RASEF: variants seen among roughly 807,000 people sequenced by gnomAD.
RASEF encodes the protein ras and EF-hand domain-containing protein.
A neutral mutation model predicts 90.1 loss-of-function variants in RASEF; 68 were observed. The ratio of observed to expected loss-of-function variants is 0.75; its 90% CI spans 0.62 to 0.92. The LOEUF (loss-of-function observed/expected upper bound fraction) is 0.92. Among genes scored for constraint, RASEF ranks in the 40% least tolerant of loss-of-function variants. The pLI, the probability that RASEF is intolerant of heterozygous loss-of-function variation, is 0.00. For missense variants in RASEF, 949 were observed against 937.2 expected (o/e 1.01, Z -0.16); for synonymous variants, 331 against 345.2 (o/e 0.96, Z 0.46).
chr9:83,159,961 CTT>C, the RASEF span, among the ~76,000 whole-genome samples: 1 of 152,214 alleles, frequency 6.6e-6, no homozygotes, highest in Middle Eastern at 3.2e-3. Flanking sequence ...GCTCTCTTCT[CTT>C]GTTTGCTGCC....
chr9:83,058,377 T>C (rs1304058351), intron 1 of RASEF, among the ~76,000 whole-genome samples: 1 of 150,640 alleles, frequency 6.6e-6, no homozygotes, highest in East Asian at 1.9e-4. Flanking sequence ...AGAGACGGGG[T>C]TTCACCGTGT....
the RASEF span, among the ~76,000 whole-genome samples, chr9:83,118,259 G>C: frequency 6.6e-6 from 1 of 151,774 alleles, no homozygotes; most frequent in African/African-American, 2.4e-5. Flanking sequence ...GTCCTTGAAG[G>C]CTGAAAGTTT....
rs1829153198 is a variant in RASEF at position 83,007,376 on chromosome 9, T to C, written c.1028+61A>G. 3 of 1,344,576 alleles carry C rather than the reference T, an allele frequency of 2.2e-6. No homozygotes were observed. In the South Asian group the frequency reaches 3.5e-5, roughly 16 times the overall value. 83.3% of individuals were successfully genotyped at this position (1,344,576 alleles called of 1,614,324 possible). On this transcript the variant is annotated intron_variant, in intron 7 of 16. Coordinates refer to ENST00000376447, the MANE Select transcript of RASEF (RefSeq NM_152573.4). ...CAACTCACGTTCTATGTGTTATGTC[T>C]TTTATTAACTAAAAAACAAGTGAAA...
the RASEF span, among the ~76,000 whole-genome samples, chr9:83,199,224 TAAAAAAAA>T: frequency 0.22 from 26,129 of 118,182 alleles, 3,369 homozygotes; most frequent in East Asian, 0.46. Context: ...AGCCCTAATT[TAAAAAAAA>T]AAAAAAAAAA....
the RASEF span, among the ~76,000 whole-genome samples, chr9:83,202,687 G>A: frequency 2.0e-5 from 3 of 152,026 alleles, no homozygotes; most frequent in Non-Finnish European, 4.4e-5. Context: ...TAGTAGAGAT[G>A]GGGTCTTGCC....
the RASEF span, among the ~76,000 whole-genome samples, chr9:83,093,822 C>T: frequency 1.3e-5 from 2 of 152,192 alleles, no homozygotes; most frequent in Non-Finnish European, 2.9e-5. Context: ...GAGGAGGCGC[C>T]GAGAGCGAGC....
At position 83,022,423 on chromosome 9, in the gene RASEF, G is replaced by A; in HGVS notation, c.582C>T (p.Ala194=). Residue 194 remains alanine, a synonymous_variant, in exon 3 of 17, where the codon GCC becomes GCT. Transcript: ENST00000376447. ...MENLAIAVKR[A]QDKAAMQLSE... Reference sequence around the variant, plus strand: ...TCAACTGCATAGCTGCCTTGTCCTGGGCTCTGAAATTCAAAAGGATGCACA... The same window carrying A: ...TCAACTGCATAGCTGCCTTGTCCTGAGCTCTGAAATTCAAAAGGATGCACA... 6.2e-7 allele frequency: 1 copy of A among 1,612,846 alleles called. No homozygotes were observed. The highest frequency in any genetic ancestry group is 8.5e-7 in the Non-Finnish European group (1 of 1,179,010).
the RASEF span, among the ~76,000 whole-genome samples, chr9:83,136,922 G>T: frequency 6.6e-6 from 1 of 152,064 alleles, no homozygotes; most frequent in East Asian, 1.9e-4. Flanking sequence ...TTTTGAAGCT[G>T]TCAATCATCC....
the RASEF span, among the ~76,000 whole-genome samples, chr9:83,137,676 T>C: frequency 6.6e-6 from 1 of 151,898 alleles, no homozygotes; most frequent in African/African-American, 2.4e-5. Flanking sequence ...ATCAGAATTA[T>C]ATGGAAACGC....
At chr9:83,075,713 G>A in the RASEF span, among the ~76,000 whole-genome samples, 1 of 151,892 alleles carries the variant, frequency 6.6e-6, no homozygotes, top group South Asian at 2.1e-4. Flanking sequence ...CCAAAATAAT[G>A]GAGAAATATA....
intron 1 of RASEF, chr9:83,048,688 A>T: frequency 2.0e-6 from 2 of 985,446 alleles, no homozygotes; most frequent in Non-Finnish European, 2.4e-6. Flanking sequence ...CTTTTTCCAT[A>T]GTGTTATGCC....
chr9:83,199,830 G>A, the RASEF span, among the ~76,000 whole-genome samples: 1 of 152,130 alleles, frequency 6.6e-6, no homozygotes, highest in Non-Finnish European at 1.5e-5. Flanking sequence ...CAGGGAAAAT[G>A]CCTCTGGAGT....
the RASEF span, among the ~76,000 whole-genome samples, chr9:83,124,508 T>C: frequency 0.11 from 17,248 of 152,158 alleles, 996 homozygotes; most frequent in African/African-American, 0.14. Context: ...TGCTTACTGG[T>C]GAGATTTCAG....
the RASEF span, among the ~76,000 whole-genome samples, chr9:83,213,744 T>C: frequency 7.2e-5 from 11 of 152,304 alleles, no homozygotes; most frequent in Non-Finnish European, 8.8e-5. Context: ...TCTCCTCTCA[T>C]GCCGAGTATA....
At chr9:83,037,182 T>A (rs565234235) in intron 1 of RASEF, among the ~76,000 whole-genome samples, 2 of 152,184 alleles carry the variant, frequency 1.3e-5, no homozygotes, top group Non-Finnish European at 2.9e-5. Flanking sequence ...CTGCACAAAT[T>A]TTTATTACAG....
the RASEF span, among the ~76,000 whole-genome samples, chr9:83,112,247 G>T: frequency 6.6e-6 from 1 of 152,036 alleles, no homozygotes; most frequent in Non-Finnish European, 1.5e-5. Context: ...CAATATATAT[G>T]TTCATGTCTG....
chr9:83,086,663 C>T, the RASEF span, among the ~76,000 whole-genome samples: 52 of 152,262 alleles, frequency 3.4e-4, no homozygotes, highest in African/African-American at 1.2e-3. Flanking sequence ...TCCCTCACAG[C>T]GTTGGCAGCA....
chr9:83,201,681 G>A, the RASEF span, among the ~76,000 whole-genome samples: 1 of 152,068 alleles, frequency 6.6e-6, no homozygotes, highest in East Asian at 1.9e-4. Context: ...TACTTAATAT[G>A]TAGGTAAGGA....
the RASEF span, among the ~76,000 whole-genome samples, chr9:83,174,554 G>C: frequency 1.3e-5 from 2 of 152,170 alleles, no homozygotes; most frequent in African/African-American, 4.8e-5. Context: ...TAGCTTTGTA[G>C]TAAGTTTTTA....
Sources: gnomAD v4.1 joint callset for allele counts (sites outside exome capture counted in the v4.1 genomes callset) on GRCh38, gnomAD v4.1.1 for gene constraint, MANE v1.5 for transcripts, NCBI Gene and HGNC (gene_info 2026-07-23, HGNC 2026-07-21) for gene names.